The following EPM2A variants were observed in gnomAD, a reference collection of about 807,000 sequenced individuals.
EPM2A encodes the protein EPM2A glucan phosphatase, laforin, also known as laforin.
In EPM2A, 21 loss-of-function variants were observed where a neutral mutation model predicts 26.5. The observed-to-expected ratio is 0.79, with a 90% CI of 0.56 to 1.14. The LOEUF is 1.14. EPM2A is among the 50% of genes most tolerant of loss of function. The pLI is 0.00. For synonymous variants in EPM2A, 217 were observed against 177.6 expected (o/e 1.22, Z -1.76); for missense variants, 458 against 440.8 (o/e 1.04, Z -0.35).
chr6:145,444,673 C>T (rs554881033), intron 4 of EPM2A, among the ~76,000 whole-genome samples: 2 of 152,278 alleles, frequency 1.3e-5, no homozygotes, highest in Admixed American at 6.5e-5. Flanking sequence ...AGTCCAATGT[C>T]TGAGCTTCCT....
chr6:145,480,181 TA>T (rs745471211), intron 4 of EPM2A, among the ~76,000 whole-genome samples: 3,421 of 145,818 alleles, frequency 0.023, 49 homozygotes, highest in Admixed American at 0.032. Context: ...GTAATTTATT[TA>T]AAAAAAAAAG....
intron 3 of EPM2A, chr6:145,502,410 G>C (rs1779903321): frequency 2.3e-6 from 1 of 425,824 alleles, no homozygotes. Context: ...GTGAGCCATA[G>C]AGCAGTGTCC....
rs529585475 is a variant in EPM2A at position 145,711,614 on chromosome 6, A to G, written c.301+23584T>C. The stretch of plus-strand genomic sequence containing the variant: ...CTTGAGATAAGAAATGATGTCATGA[A>G]AGAGCTCAAAGAGCACCTAAATCTA... On this transcript the variant is annotated intron_variant, in intron 1 of 3. Transcript: ENST00000367519. Among the ~76,000 whole-genome samples the G allele has an allele frequency of 2.2e-4, 33 of 152,294 alleles. 1 individual carries two copies. The South Asian group carries it at 5.4e-3, about 25-fold the overall frequency.
At chr6:145,456,338 T>A (rs1353835425) in intron 4 of EPM2A, among the ~76,000 whole-genome samples, 1 of 152,192 alleles carries the variant, frequency 6.6e-6, no homozygotes, top group Non-Finnish European at 1.5e-5. Flanking sequence ...CCAAATAAAA[T>A]TTTTTGGATG....
chr6:145,546,817 A>G (rs753905030), intron 2 of EPM2A, among the ~76,000 whole-genome samples: 5 of 152,094 alleles, frequency 3.3e-5, no homozygotes, highest in Admixed American at 1.3e-4. Context: ...TTTTCCTTCA[A>G]TGATCTTCCC....
intron 4 of EPM2A, among the ~76,000 whole-genome samples, chr6:145,441,820 C>T (rs1779066556): frequency 6.6e-6 from 1 of 152,196 alleles, no homozygotes; most frequent in African/African-American, 2.4e-5. Context: ...CGAGATTGCA[C>T]CACTGCATTC....
chr6:145,674,320 C>A (rs1044268811), intron 2 of EPM2A, among the ~76,000 whole-genome samples: 1 of 152,138 alleles, frequency 6.6e-6, no homozygotes, highest in African/African-American at 2.4e-5. Context: ...GATAAAACCA[C>A]AAAGATAGAG....
chr6:145,426,494 C>A (rs1263395100), intron 4 of EPM2A, among the ~76,000 whole-genome samples: 2 of 152,134 alleles, frequency 1.3e-5, no homozygotes, highest in Non-Finnish European at 2.9e-5. Flanking sequence ...ATTAATTTTA[C>A]TTCCAGAGAT....
chr6:145,670,049 A>T (rs547791487), intron 2 of EPM2A, among the ~76,000 whole-genome samples: 2 of 152,192 alleles, frequency 1.3e-5, no homozygotes, highest in East Asian at 1.9e-4. Flanking sequence ...TGAATCGTTT[A>T]TTCTCCTGGT....
intron 2 of EPM2A, among the ~76,000 whole-genome samples, chr6:145,620,221 T>C (rs1283210118): frequency 2.0e-5 from 3 of 152,208 alleles, no homozygotes; most frequent in African/African-American, 2.4e-5. Flanking sequence ...CTGTTCCACC[T>C]CAGATCATCG....
intron 1 of EPM2A, 74 bp from the exon 2 acceptor site, chr6:145,686,370 C>T: frequency 1.7e-6 from 2 of 1,182,092 alleles, no homozygotes; most frequent in East Asian, 2.4e-5. Context: ...GCAGCTGATA[C>T]AAAATTAATA....
At chr6:145,422,763 T>G (rs1347955652) in intron 4 of EPM2A, among the ~76,000 whole-genome samples, 7 of 152,140 alleles carry the variant, frequency 4.6e-5, no homozygotes, top group Non-Finnish European at 8.8e-5. Flanking sequence ...TATCCTACTA[T>G]TCCCCTATTC....
At chr6:145,669,236 A>C (rs1052495157) in intron 2 of EPM2A, among the ~76,000 whole-genome samples, 5 of 152,228 alleles carry the variant, frequency 3.3e-5, no homozygotes, top group African/African-American at 1.2e-4. Flanking sequence ...TTCATAAAAA[A>C]GTCTGTGAAC....
intron 2 of EPM2A, among the ~76,000 whole-genome samples, chr6:145,590,746 T>C (rs1478407172): frequency 1.3e-5 from 2 of 151,996 alleles, no homozygotes; most frequent in African/African-American, 2.4e-5. Flanking sequence ...CCTGGTCAGA[T>C]TAATATAAAA....
At chr6:145,519,561 G>C (rs531388968) in intron 2 of EPM2A, among the ~76,000 whole-genome samples, 1 of 152,116 alleles carries the variant, frequency 6.6e-6, no homozygotes, top group Non-Finnish European at 1.5e-5. Flanking sequence ...ATGTTTTGAA[G>C]ACTGTATAGG....
At chr6:145,580,474 T>C (rs565720115) in intron 2 of EPM2A, among the ~76,000 whole-genome samples, 8 of 151,744 alleles carry the variant, frequency 5.3e-5, no homozygotes, top group South Asian at 2.1e-4. Flanking sequence ...TCTGAATTCA[T>C]ATAAAAGCAA....
chr6:145,397,583 C>T (rs1454598602), intron 4 of EPM2A, among the ~76,000 whole-genome samples: 2 of 152,188 alleles, frequency 1.3e-5, no homozygotes, highest in Admixed American at 1.3e-4. Context: ...AGGCATCAAC[C>T]ACCACAAGGT....
chr6:145,520,069 CT>C (rs1237960891), intron 2 of EPM2A, among the ~76,000 whole-genome samples: 1 of 152,184 alleles, frequency 6.6e-6, no homozygotes, highest in Non-Finnish European at 1.5e-5. Context: ...TTCTTAGACT[CT>C]GAAATTCCAC....
intron 4 of EPM2A, among the ~76,000 whole-genome samples, chr6:145,437,605 T>C (rs1464583308): frequency 6.6e-6 from 1 of 152,202 alleles, no homozygotes; most frequent in East Asian, 1.9e-4. Flanking sequence ...ACCTAGGTGA[T>C]TCCACTGACC....
Sources: allele counts gnomAD v4.1 joint callset (sites outside exome capture counted in the v4.1 genomes callset), GRCh38; gene constraint gnomAD v4.1.1; transcripts MANE v1.5; gene names NCBI Gene and HGNC (gene_info 2026-07-23, HGNC 2026-07-21).